Variants in DOCK5 observed in about 807,000 individuals in gnomAD.
DOCK5 encodes the protein dedicator of cytokinesis 5.
DOCK5 carries 142 observed loss-of-function variants against 251.8 expected under a neutral mutation model. The observed-to-expected ratio is 0.56, with a 90% CI of 0.49 to 0.65. The LOEUF is 0.65. DOCK5 is among the 30% of genes least tolerant of loss of function. The pLI, the probability that DOCK5 is intolerant of heterozygous loss-of-function variation, is 0.00. For missense variants in DOCK5, 2,111 were observed against 2,312.3 expected, an observed-to-expected ratio of 0.91 and a Z score of 1.79; for synonymous variants, 842 against 835.5, an observed-to-expected ratio of 1.01 and a Z score of -0.13.
intron 2 of DOCK5, among the ~76,000 whole-genome samples, chr8:25,259,086 C>T (rs550394765): frequency 4.6e-5 from 7 of 152,160 alleles, no homozygotes; most frequent in South Asian, 2.1e-4. Context: ...TGCCACTGTA[C>T]GCCAGTCTGG....
chr8:25,406,701 C>G (rs1199906675), intron 48 of DOCK5, among the ~76,000 whole-genome samples: 1 of 151,772 alleles, frequency 6.6e-6, no homozygotes, highest in South Asian at 2.1e-4. Context: ...AATCTCGGCT[C>G]GCTGCAACCT....
At chr8:25,307,169 G>C (rs998091236) in intron 11 of DOCK5, among the ~76,000 whole-genome samples, 2 of 151,818 alleles carry the variant, frequency 1.3e-5, no homozygotes, top group African/African-American at 4.8e-5. Flanking sequence ...GCCCAGGCTG[G>C]AATGCAGTGG....
intron 45 of DOCK5, among the ~76,000 whole-genome samples, chr8:25,396,802 CG>C: frequency 7.9e-6 from 1 of 126,640 alleles, no homozygotes; most frequent in South Asian, 2.7e-4. Flanking sequence ...GTGTGTGTCC[CG>C]GGAAGAGCAG....
chr8:25,354,027 T>G (rs1800517764), intron 27 of DOCK5, among the ~76,000 whole-genome samples: 1 of 7,756 alleles, frequency 1.3e-4, no homozygotes, highest in African/African-American at 2.0e-4. Context: ...GACTTTGTCT[T>G]AAAAAAAAAA....
intron 7 of DOCK5, among the ~76,000 whole-genome samples, chr8:25,298,564 G>A (rs1804676296): frequency 1.3e-5 from 2 of 152,034 alleles, no homozygotes; most frequent in South Asian, 2.1e-4. Flanking sequence ...ACTTCCTCTC[G>A]GGTGTTATCT....
chr8:25,359,496 G>T (rs1211005222), intron 28 of DOCK5, among the ~76,000 whole-genome samples: 1 of 152,186 alleles, frequency 6.6e-6, no homozygotes, highest in East Asian at 1.9e-4. Context: ...TTTACAACTG[G>T]TCCGTGTGGC....
intron 16 of DOCK5, among the ~76,000 whole-genome samples, chr8:25,323,057 C>T (rs970395987): frequency 2.6e-4 from 39 of 152,192 alleles, no homozygotes; most frequent in Admixed American, 2.4e-3. Flanking sequence ...ACCACAGAGC[C>T]GTGCCTATGA....
At chr8:25,335,316 TA>T (rs1228241890) in intron 21 of DOCK5, among the ~76,000 whole-genome samples, 1 of 152,114 alleles carries the variant, frequency 6.6e-6, no homozygotes, top group African/African-American at 2.4e-5. Context: ...ACTGTGATCA[TA>T]CCGAGCCAAA....
At chr8:25,214,498 A>G (rs1186389366) in intron 1 of DOCK5, among the ~76,000 whole-genome samples, 1 of 152,050 alleles carries the variant, frequency 6.6e-6, no homozygotes, top group Non-Finnish European at 1.5e-5. Flanking sequence ...GGTAGTTCCC[A>G]ATTTCAATCT....
chr8:25,188,041 C>A (rs1475386404), intron 1 of DOCK5, among the ~76,000 whole-genome samples: 5 of 152,212 alleles, frequency 3.3e-5, no homozygotes. Flanking sequence ...GGTATTAGTG[C>A]ATTCAGTTTG....
intron 18 of DOCK5, among the ~76,000 whole-genome samples, chr8:25,326,524 C>T (rs1038087603): frequency 6.6e-6 from 1 of 152,136 alleles, no homozygotes; most frequent in Non-Finnish European, 1.5e-5. Flanking sequence ...GTAAAAGCAT[C>T]CTCACCAAAA....
chr8:25,319,726 A>G, intron 15 of DOCK5, 50 bp downstream of exon 15: 2 of 1,355,566 alleles, frequency 1.5e-6, no homozygotes, highest in Non-Finnish European at 2.0e-6. Flanking sequence ...CCTCAGTTAG[A>G]TTCCTATCTT....
chr8:25,384,447 A>ATTTTTTTT (rs1563225050), intron 40 of DOCK5, among the ~76,000 whole-genome samples: 1 of 25,282 alleles, frequency 4.0e-5, no homozygotes. Context: ...TTATTTATTT[A>ATTTTTTTT]TTTATTTATT....
At chr8:25,254,719 G>A (rs1161478017) in intron 2 of DOCK5, among the ~76,000 whole-genome samples, 2 of 132,810 alleles carry the variant, frequency 1.5e-5, no homozygotes, top group African/African-American at 5.5e-5. Context: ...AGGTTGCAGT[G>A]AGCCGAGATT....
chr8:25,323,082 AG>A (rs1242007214), intron 16 of DOCK5, among the ~76,000 whole-genome samples: 1 of 152,168 alleles, frequency 6.6e-6, no homozygotes, highest in Non-Finnish European at 1.5e-5. Flanking sequence ...AACAGGCCAC[AG>A]GTTACCCTAC....
Position 25,395,652 on chromosome 8 carries a change from C to A in DOCK5, c.4637C>A (p.Pro1546His). 6.2e-7 allele frequency: 1 copy of A among 1,613,694 alleles called. No homozygotes were observed. The highest frequency in any genetic ancestry group is 1.1e-5 in the South Asian group (1 of 91,038). The change falls in exon 45 of 52, where the codon CCT becomes CAT. Residue 1546 changes from proline (P) to histidine (H), a missense_variant. By Grantham distance (77) the Pro-to-His change is moderately conservative (BLOSUM62 -2). This residue lies in a region of DOCK5 where 1,717 missense variants were observed against 1,892.4 expected (regional missense o/e 0.91). Coordinates refer to ENST00000276440, the MANE Select transcript of DOCK5 (RefSeq NM_024940.8). ...TGGGACCGGTCCCTCTCTGTGCACCCTCTCTCCATGCTGCTCAGTGGCATC... is the reference window on the plus strand; with the variant it reads ...TGGGACCGGTCCCTCTCTGTGCACCATCTCTCCATGCTGCTCAGTGGCATC... ...HAWDRSLSVH[P>H]LSMLLSGIVD... is the part of the protein sequence containing the mutation.
At chr8:25,386,412 T>C (rs568538061) in intron 40 of DOCK5, among the ~76,000 whole-genome samples, 3 of 152,090 alleles carry the variant, frequency 2.0e-5, no homozygotes, top group Non-Finnish European at 4.4e-5. Context: ...CTGGGCATCA[T>C]AGCATGACCC....
intron 1 of DOCK5, among the ~76,000 whole-genome samples, chr8:25,197,654 G>T (rs1172567384): frequency 7.0e-6 from 1 of 143,232 alleles, no homozygotes; most frequent in Non-Finnish European, 1.5e-5. Flanking sequence ...CGTGATCTCG[G>T]CTCATTGCAA....
intron 27 of DOCK5, among the ~76,000 whole-genome samples, chr8:25,357,114 G>A (rs892255229): frequency 6.6e-6 from 1 of 151,316 alleles, no homozygotes; most frequent in Non-Finnish European, 1.5e-5. Flanking sequence ...AAGCTAAATG[G>A]CCAAAAAGTT....
Sources: gnomAD v4.1 joint callset for allele counts (sites outside exome capture counted in the v4.1 genomes callset) on GRCh38, gnomAD v4.1.1 for gene constraint, gnomAD v4.1.1 regional missense constraint, MANE v1.5 for transcripts, NCBI Gene and HGNC (gene_info 2026-07-23, HGNC 2026-07-21) for gene names.